MUC5AC: variants seen among roughly 807,000 people sequenced by gnomAD.
MUC5AC encodes the protein mucin-5AC.
MUC5AC carries 158 observed loss-of-function variants against 169.7 expected under a neutral mutation model. The ratio of observed to expected loss-of-function variants is 0.93; its 90% CI spans 0.82 to 1.06. The LOEUF (loss-of-function observed/expected upper bound fraction) is 1.06. Ranked by LOEUF, MUC5AC falls within the 50% of genes least tolerant of loss-of-function variation. The pLI, the probability that MUC5AC is intolerant of heterozygous loss-of-function variation, is 0.00. For synonymous variants in MUC5AC, 1,975 were observed against 1,237.0 expected (o/e 1.60, Z -12.52); for missense variants, 4,359 against 3,089.9 (o/e 1.41, Z -9.74).
In MUC5AC at chr11:1,186,693, A is replaced by G. The variant is rs1860955551; in HGVS notation, c.8548A>G (p.Thr2850Ala). The G allele has an allele frequency of 1.4e-6, 1 of 735,166 alleles. No homozygotes were observed. Among genetic ancestry groups the G allele is most frequent in the African/African-American group, 1.7e-5 (1 of 57,918 alleles). The allele number at this position is 735,166 out of a possible 1,614,324, so 45.5% of individuals were successfully genotyped here. ...CACCAGCACAACCTCTGCCCCTACA[A>G]CCAGCACAACCTCTGCCCCTACAAC... ...PTTSTTSAPT[T>A]STTSAPTTRT... Residue 2850 changes from threonine (T) to alanine (A), a missense_variant, in exon 31 of 49, where the codon ACC (threonine) becomes GCC (alanine). By Grantham distance (58) the Thr-to-Ala change is moderately conservative. Coordinates refer to ENST00000621226, the MANE Select transcript of MUC5AC (RefSeq NM_001304359.2).
At chr11:1,180,325 G>A (rs1303677745) in intron 27 of MUC5AC, 29 bp from the exon 28 acceptor site, 3 of 398,756 alleles carry the variant, frequency 7.5e-6, no homozygotes, top group Non-Finnish European at 8.8e-6. Flanking sequence ...ACTCGGTCTG[G>A]TTGTGACTCT....
chr11:1,162,632 G>C lies in MUC5AC; in HGVS notation c.574G>C (p.Asp192His). 1 of 1,612,670 alleles carries C rather than the reference G, an allele frequency of 6.2e-7. No individual in the cohort carries two copies. The highest frequency in any genetic ancestry group is 8.5e-7 in the Non-Finnish European group (1 of 1,179,794). ...RLGLVLMWNH[D>H]DSLLLELDTK... ...GGGCCTTGTCCTCATGTGGAACCAC[G>C]ATGACAGCCTGCTGGTGAGGCTGGG... Residue 192 changes from aspartate (D) to histidine (H), a missense_variant, in exon 5 of 49, where the codon GAT becomes CAT. By Grantham distance (81) the Asp-to-His change is moderately conservative. Transcript: ENST00000621226.
chr11:1,176,278 CA>C (rs1207648793), intron 20 of MUC5AC, 27 bp downstream of exon 20: 17 of 398,632 alleles, frequency 4.3e-5, no homozygotes, highest in Non-Finnish European at 7.5e-5. Context: ...TCCCCAATGA[CA>C]GACCCTCCAT....
In MUC5AC at chr11:1,180,096, C is replaced by T. The variant is rs1484190337; in HGVS notation, c.3559C>T (p.Arg1187Cys). ...HYQPCGVPCL[R>C]TCRNPRGDCL... The stretch of plus-strand genomic sequence containing the variant: ...CCAGCCCTGCGGGGTGCCCTGCCTG[C>T]GCACCTGCCGGAACCCCCGTGGAGA... The change falls in exon 27 of 49, where the codon CGC becomes TGC. Residue 1187 changes from arginine (R) to cysteine (C), a missense_variant. Arg to Cys is a radical substitution (Grantham distance 180). Transcript: ENST00000621226. 1.8e-5 allele frequency: 7 copies of T among 398,980 alleles called. No individual in the cohort carries two copies. Among genetic ancestry groups the T allele is most frequent in the South Asian group, 2.5e-4 (2 of 7,890 alleles). The allele number at this position is 398,980 out of a possible 1,614,324, so 24.7% of individuals were successfully genotyped here.
intron 19 of MUC5AC, among the ~76,000 whole-genome samples, chr11:1,175,770 TCACACACCCACA>T (rs1860662983): frequency 9.6e-6 from 1 of 104,202 alleles, no homozygotes; most frequent in Non-Finnish European, 1.9e-5. Context: ...ATGCACACGC[TCACACACCCACA>T]TGCACACGCA....
intron 16 of MUC5AC, among the ~76,000 whole-genome samples, chr11:1,172,962 TC>T (rs1860583002): frequency 7.0e-6 from 1 of 142,170 alleles, no homozygotes; most frequent in African/African-American, 2.7e-5. Context: ...ACCCATTCAC[TC>T]ACTCATCCAC....
Position 1,178,647 on chromosome 11 carries a change from C to T in MUC5AC, c.3291C>T (p.Ile1097=), listed in dbSNP as rs1214208015. The change falls in exon 25 of 49, where the codon ATC becomes ATT. Residue 1097 remains isoleucine (I), a synonymous_variant. Coordinates refer to ENST00000621226, the MANE Select transcript of MUC5AC (RefSeq NM_001304359.2). ...CCTGGGCCCAGAAGCAGTGCAGCATCCTCCACGGCCCCACCTTCGCCGCCT... is the reference window on the plus strand; with the variant it reads ...CCTGGGCCCAGAAGCAGTGCAGCATTCTCCACGGCCCCACCTTCGCCGCCT... The part of the protein sequence containing the change: ...RKSWAQKQCS[I]LHGPTFAACH... 5.2e-6 allele frequency: 7 copies of T among 1,348,386 alleles called. No individual in the cohort carries two copies. In the African/African-American group the frequency reaches 9.0e-5, roughly 17 times the overall value. The allele number at this position is 1,348,386 out of a possible 1,614,324, so 83.5% of individuals were successfully genotyped here.
Position 1,191,136 on chromosome 11 carries a change from T to A in MUC5AC, c.12991T>A (p.Ser4331Thr). Residue 4331 changes from serine (S) to threonine (T), a missense_variant, in exon 31 of 49, where the codon TCT (serine) becomes ACT (threonine). Transcript: ENST00000621226. ...PSPVPTTSTT[S>T]APITSTTSGP... Reference sequence around the variant, plus strand: ...CCCTGTTCCCACCACCAGCACAACCTCTGCTCCTATAACCAGCACAACCTC... The same window carrying A: ...CCCTGTTCCCACCACCAGCACAACCACTGCTCCTATAACCAGCACAACCTC... 1.4e-6 allele frequency: 1 copy of A among 697,182 alleles called. No individual in the cohort carries two copies. Among genetic ancestry groups the A allele is most frequent in the Non-Finnish European group, 2.6e-6 (1 of 378,182 alleles). The allele number at this position is 697,182 out of a possible 1,614,324, so 43.2% of individuals were successfully genotyped here.
Position 1,161,987 on chromosome 11 carries a change from C to A in MUC5AC, c.292C>A (p.Arg98Ser), listed in dbSNP as rs55903623. 1 of 1,612,388 alleles carries A rather than the reference C, an allele frequency of 6.2e-7. No homozygotes were observed. The highest frequency in any genetic ancestry group is 1.7e-5 in the Admixed American group (1 of 59,930). The stretch of plus-strand genomic sequence containing the variant: ...CAAGACCTTCGACGGCGACGTCTTC[C>A]GCTTCCCCGGCCTCTGCAACTACGT... Reference protein sequence around the residue: ...HYKTFDGDVFRFPGLCNYVFS... With the variant: ...HYKTFDGDVFSFPGLCNYVFS... Residue 98 changes from arginine (R) to serine (S), a missense_variant, in exon 4 of 49, where the codon CGC (arginine) becomes AGC (serine). Physicochemically the swap from Arg to Ser is moderately radical, Grantham distance 110. Coordinates refer to ENST00000621226, the MANE Select transcript of MUC5AC (RefSeq NM_001304359.2).
rs1861068282 is a variant in MUC5AC at position 1,190,699 on chromosome 11, C to T, written c.12554C>T (p.Thr4185Ile). The stretch of plus-strand genomic sequence containing the variant: ...ACAATCTCTGCCTCTACAACCAGCA[C>T]AATCTCTGCCCCTACAACCAGCACA... ...TSTISASTTSTISAPTTSTIS... is the reference protein window; with the variant it reads ...TSTISASTTSIISAPTTSTIS... The change falls in exon 31 of 49, where the codon ACA becomes ATA. Residue 4185 changes from threonine (T) to isoleucine (I), a missense_variant. Thr to Ile is a moderately conservative substitution (Grantham distance 89). Transcript: ENST00000621226. 2.9e-6 allele frequency: 2 copies of T among 697,014 alleles called. No individual in the cohort carries two copies. The highest frequency in any genetic ancestry group is 5.2e-6 in the Non-Finnish European group (2 of 381,474). 43.2% of individuals were successfully genotyped at this position (697,014 alleles called of 1,614,324 possible). A position where few individuals can be genotyped will look rare whatever the true frequency, so the allele number is the denominator to read the frequency against.
chr11:1,180,968 G>T (rs1860804064), intron 28 of MUC5AC, among the ~76,000 whole-genome samples, 171 bp from the exon 29 acceptor site: 1 of 152,118 alleles, frequency 6.6e-6, no homozygotes, highest in Non-Finnish European at 1.5e-5. Flanking sequence ...ACAACTGCTG[G>T]GACCCAGGTG....
rs1338701354 is a variant in MUC5AC at position 1,178,577 on chromosome 11, C to A, written c.3221C>A (p.Ala1074Asp). 8 of 1,406,376 alleles carry A rather than the reference C, an allele frequency of 5.7e-6. No individual in the cohort carries two copies. The highest frequency in any genetic ancestry group is 6.6e-6 in the Non-Finnish European group (7 of 1,065,026). The allele number at this position is 1,406,376 out of a possible 1,614,324, so 87.1% of individuals were successfully genotyped here. A position where few individuals can be genotyped will look rare whatever the true frequency, so the allele number is the denominator to read the frequency against. ...AAGCTCTCCCCCTCCTGCCCAGATGCCCTGGCGCCCAAGGACCCCTGCACG... is the reference window on the plus strand; with the variant it reads ...AAGCTCTCCCCCTCCTGCCCAGATGACCTGGCGCCCAAGGACCCCTGCACG... The part of the protein sequence containing the change: ...SWKLSPSCPD[A>D]LAPKDPCTAN... The change falls in exon 25 of 49, where the codon GCC becomes GAC. Residue 1074 changes from alanine (A) to aspartate (D), a missense_variant. Transcript: ENST00000621226.
chr11:1,171,092 C>A (rs1416903614), intron 15 of MUC5AC, among the ~76,000 whole-genome samples: 2 of 126,322 alleles, frequency 1.6e-5, no homozygotes, highest in African/African-American at 5.9e-5. Flanking sequence ...ACACACTCAC[C>A]GACTCAACCA....
At chr11:1,169,957 T>C (rs1415584051) in intron 15 of MUC5AC, among the ~76,000 whole-genome samples, 30 of 92,364 alleles carry the variant, frequency 3.2e-4, no homozygotes, top group South Asian at 4.3e-4. Context: ...CACTCACCCA[T>C]TCACCCACTC....
intron 30 of MUC5AC, among the ~76,000 whole-genome samples, chr11:1,181,834 T>A (rs986748846): frequency 6.6e-6 from 1 of 152,234 alleles, no homozygotes; most frequent in Non-Finnish European, 1.5e-5. Flanking sequence ...CTCGCCCTCT[T>A]CTGGGGGATG....
At position 1,176,564 on chromosome 11, in the gene MUC5AC, G is replaced by A. The variant is rs894389042; in HGVS notation, c.2553G>A (p.Ala851=). ...PGCVCPDGLV[A]DGEGGCITAE... The stretch of plus-strand genomic sequence containing the variant: ...GCGTGTGCCCCGACGGGCTGGTGGC[G>A]GACGGCGAGGGCGGCTGCATCACTG... The change falls in exon 21 of 49, where the codon GCG becomes GCA. Residue 851 remains alanine, a synonymous_variant. Transcript: ENST00000621226. The A allele has an allele frequency of 4.8e-4, 191 of 399,866 alleles. 1 individual carries two copies. The highest frequency in any genetic ancestry group is 2.4e-3 in the African/African-American group (118 of 48,778). The allele number at this position is 399,866 out of a possible 1,614,324, so 24.8% of individuals were successfully genotyped here.
Position 1,192,950 on chromosome 11 carries a change from C to T in MUC5AC, c.14548C>T (p.Leu4850=), listed in dbSNP as rs1331377346. The T allele has an allele frequency of 1.3e-6, 1 of 742,300 alleles. No individual in the cohort carries two copies. Among genetic ancestry groups the T allele is most frequent in the Non-Finnish European group, 2.5e-6 (1 of 405,060 alleles). 46.0% of individuals were successfully genotyped at this position (742,300 alleles called of 1,614,324 possible). A position where few individuals can be genotyped will look rare whatever the true frequency, so the allele number is the denominator to read the frequency against. The change falls in exon 32 of 49, where the codon CTG becomes TTG. Residue 4850 remains leucine (L), a synonymous_variant. Transcript: ENST00000621226. ...SISTSEPVTE[L]GCPNAVPPRK... is the part of the protein sequence containing the mutation. ...ATCCACCTCCGAGCCCGTCACTGAGCTGGGATGCCCAAATGCGGTTCCCCC... is the reference window on the plus strand; with the variant it reads ...ATCCACCTCCGAGCCCGTCACTGAGTTGGGATGCCCAAATGCGGTTCCCCC...
At position 1,199,986 on chromosome 11, in the gene MUC5AC, C is replaced by T. The variant is rs1041754411; in HGVS notation, c.16700+17C>T. ...CTCTTCCATGTACGTGCCTGGGCAG[C>T]AGGCAGGGAGACGCGATTGGCTGTG... On this transcript the variant is annotated intron_variant, in intron 48 of 48. Transcript: ENST00000621226. The T allele has an allele frequency of 4.0e-6, 3 of 750,556 alleles. No homozygotes were observed. The highest frequency in any genetic ancestry group is 7.3e-6 in the Non-Finnish European group (3 of 411,282). The allele number at this position is 750,556 out of a possible 1,614,324, so 46.5% of individuals were successfully genotyped here.
intron 15 of MUC5AC, among the ~76,000 whole-genome samples, chr11:1,172,007 G>T (rs990291163): frequency 2.0e-5 from 3 of 152,158 alleles, no homozygotes; most frequent in African/African-American, 4.8e-5. Context: ...CGCCTTCAGA[G>T]CTTGGGCGCC....
Sources: allele counts gnomAD v4.1 joint callset (sites outside exome capture counted in the v4.1 genomes callset), GRCh38; gene constraint gnomAD v4.1.1; transcripts MANE v1.5; gene names NCBI Gene and HGNC (gene_info 2026-07-23, HGNC 2026-07-21).